KCNB2: variants seen among roughly 807,000 people sequenced by gnomAD.
KCNB2 encodes delayed rectifier potassium channel protein.
Under a neutral mutation model 61.5 loss-of-function variants are expected in KCNB2, and 15 were observed. The ratio of observed to expected loss-of-function variants is 0.24; its 90% CI spans 0.16 to 0.38. The LOEUF is 0.38. Among genes scored for constraint, KCNB2 ranks in the 10% least tolerant of loss-of-function variants. The pLI is 1.00. For synonymous variants in KCNB2, 457 were observed against 446.0 expected, an observed-to-expected ratio of 1.02 and a Z score of -0.31; for missense variants, 828 against 1,125.2, an observed-to-expected ratio of 0.74 and a Z score of 3.78.
At chr8:72,619,674 AATTTT>A (rs1805684657) in intron 2 of KCNB2, among the ~76,000 whole-genome samples, 1 of 152,016 alleles carries the variant, frequency 6.6e-6, no homozygotes, top group African/African-American at 2.4e-5. Context: ...TCATTTCAAG[AATTTT>A]ATTTTATTAT....
chr8:72,734,901 G>A (rs1463987795), intron 2 of KCNB2, among the ~76,000 whole-genome samples: 1 of 152,180 alleles, frequency 6.6e-6, no homozygotes, highest in Admixed American at 6.5e-5. Flanking sequence ...ATGCAGGCTT[G>A]TGCTAATGAA....
rs1340724661 is a variant in KCNB2 at position 72,658,340 on chromosome 8, AT to A, written c.579+90028del. Among the ~76,000 whole-genome samples the A allele has an allele frequency of 2.0e-5, 3 of 152,238 alleles. No individual in the cohort carries two copies. The East Asian group carries it at 5.8e-4, about 29-fold the overall frequency. On this transcript the variant is annotated intron_variant, in intron 2 of 2. Coordinates refer to ENST00000523207, the MANE Select transcript of KCNB2 (RefSeq NM_004770.3). ...ATCAAACCAGCCACAACATTTCCTTATGCTAAAGCCTAATCCAGAGCGAGGT... is the reference window on the plus strand; with the variant it reads ...ATCAAACCAGCCACAACATTTCCTTAGCTAAAGCCTAATCCAGAGCGAGGT...
intron 2 of KCNB2, among the ~76,000 whole-genome samples, chr8:72,706,153 G>A (rs1807220357): frequency 6.6e-6 from 1 of 152,224 alleles, no homozygotes; most frequent in South Asian, 2.1e-4. Context: ...GGTCAGCATA[G>A]AGTGCAGGTA....
chr8:72,577,983 ACACT>A (rs1236123674), intron 2 of KCNB2, among the ~76,000 whole-genome samples: 1 of 152,210 alleles, frequency 6.6e-6, no homozygotes, highest in Non-Finnish European at 1.5e-5. Flanking sequence ...ATTTTTTAAA[ACACT>A]CACATTTTAG....
At chr8:72,648,966 T>G (rs187802929) in intron 2 of KCNB2, among the ~76,000 whole-genome samples, 12 of 151,310 alleles carry the variant, frequency 7.9e-5, no homozygotes, top group Admixed American at 7.9e-4. Flanking sequence ...ATTGTGCAAG[T>G]TTTTTTATTT....
At chr8:72,604,300 C>T (rs963871437) in intron 2 of KCNB2, among the ~76,000 whole-genome samples, 1 of 152,122 alleles carries the variant, frequency 6.6e-6, no homozygotes, top group Non-Finnish European at 1.5e-5. Flanking sequence ...GATACTTATG[C>T]GTATGAATCC....
At chr8:72,700,824 G>T (rs1807109210) in intron 2 of KCNB2, among the ~76,000 whole-genome samples, 1 of 152,096 alleles carries the variant, frequency 6.6e-6, no homozygotes, top group South Asian at 2.1e-4. Context: ...ACAAAGATAT[G>T]AAATCAACCC....
At chr8:72,764,870 G>A (rs1344609887) in intron 2 of KCNB2, among the ~76,000 whole-genome samples, 1 of 152,104 alleles carries the variant, frequency 6.6e-6, no homozygotes, top group Non-Finnish European at 1.5e-5. Flanking sequence ...TGTCTATTCT[G>A]GGCAAAATAT....
At chr8:72,792,070 T>A (rs2128998794) in intron 2 of KCNB2, among the ~76,000 whole-genome samples, 1 of 152,314 alleles carries the variant, frequency 6.6e-6, no homozygotes, top group South Asian at 2.1e-4. Context: ...AGGAAGGATG[T>A]CTTCATCCCA....
intron 2 of KCNB2, among the ~76,000 whole-genome samples, chr8:72,882,397 C>T (rs559290222): frequency 2.8e-4 from 42 of 152,288 alleles, no homozygotes; most frequent in African/African-American, 1.0e-3. Context: ...ACATTGAGGT[C>T]ACAGTTCATC....
intron 2 of KCNB2, among the ~76,000 whole-genome samples, chr8:72,650,244 C>A (rs1344452646): frequency 6.6e-6 from 1 of 152,146 alleles, no homozygotes; most frequent in African/African-American, 2.4e-5. Context: ...GTCCATTTAA[C>A]TAATGATTCC....
intron 2 of KCNB2, among the ~76,000 whole-genome samples, chr8:72,800,379 T>C (rs2128999477): frequency 6.6e-6 from 1 of 152,334 alleles, no homozygotes; most frequent in Admixed American, 6.5e-5. Context: ...TTTACAGCGT[T>C]CAACACCTGA....
intron 2 of KCNB2, among the ~76,000 whole-genome samples, chr8:72,764,513 G>A (rs1385448663): frequency 6.6e-6 from 1 of 152,164 alleles, no homozygotes; most frequent in Non-Finnish European, 1.5e-5. Flanking sequence ...TGGGAAACAG[G>A]CAGTGCCATC....
chr8:72,803,696 G>A (rs1042029548), intron 2 of KCNB2, among the ~76,000 whole-genome samples: 1 of 152,220 alleles, frequency 6.6e-6, no homozygotes, highest in Non-Finnish European at 1.5e-5. Context: ...CCCAAGATTA[G>A]TTTTGGCCTA....
chr8:72,580,361 A>G (rs1020347327), intron 2 of KCNB2, among the ~76,000 whole-genome samples: 1 of 152,192 alleles, frequency 6.6e-6, no homozygotes, highest in South Asian at 2.1e-4. Context: ...CACTAATGCC[A>G]TATTGATATT....
At chr8:72,845,022 T>C (rs981451627) in intron 2 of KCNB2, among the ~76,000 whole-genome samples, 1 of 152,254 alleles carries the variant, frequency 6.6e-6, no homozygotes, top group African/African-American at 2.4e-5. Flanking sequence ...AGAGGTGTTC[T>C]GTTTTTTGGG....
intron 2 of KCNB2, among the ~76,000 whole-genome samples, chr8:72,934,443 G>A (rs564241279): frequency 9.3e-5 from 14 of 151,074 alleles, no homozygotes; most frequent in Admixed American, 2.6e-4. Flanking sequence ...GAGAAAGGAG[G>A]AAGTGAAAGG....
intron 2 of KCNB2, among the ~76,000 whole-genome samples, chr8:72,846,235 G>A (rs1027996166): frequency 1.3e-5 from 2 of 152,044 alleles, no homozygotes; most frequent in Admixed American, 1.3e-4. Context: ...CAGGTAAGGC[G>A]ACACCCCACC....
At chr8:72,556,427 C>A (rs2128977757) in intron 1 of KCNB2, among the ~76,000 whole-genome samples, 1 of 152,094 alleles carries the variant, frequency 6.6e-6, no homozygotes, top group Middle Eastern at 3.4e-3. Flanking sequence ...GTGCCATACA[C>A]AGATGGATGG....
Sources: gnomAD v4.1 joint callset for allele counts (sites outside exome capture counted in the v4.1 genomes callset) on GRCh38, gnomAD v4.1.1 for gene constraint, MANE v1.5 for transcripts, NCBI Gene and HGNC (gene_info 2026-07-23, HGNC 2026-07-21) for gene names.